Variants in SCN8A observed in about 807,000 individuals in gnomAD.
SCN8A encodes the protein sodium channel protein type 8 subunit alpha.
SCN8A carries 30 observed loss-of-function variants against 184.1 expected under a neutral mutation model. The observed-to-expected ratio is 0.16, with a 90% CI of 0.12 to 0.22. The LOEUF is 0.22. SCN8A is among the 10% of genes least tolerant of loss of function. SCN8A has a pLI of 1.00. For synonymous variants in SCN8A, 852 were observed against 907.0 expected, an observed-to-expected ratio of 0.94 and a Z score of 1.09; for missense variants, 1,057 against 2,498.9, an observed-to-expected ratio of 0.42 and a Z score of 12.30.
chr12:51,722,000 C>A, intron 12 of SCN8A, 92 bp downstream of exon 12: 1 of 1,589,788 alleles, frequency 6.3e-7, no homozygotes, highest in Non-Finnish European at 8.5e-7. Flanking sequence ...GCTCCTTCCC[C>A]TCCTCTTTCC....
intron 26 of SCN8A, among the ~76,000 whole-genome samples, chr12:51,801,034 C>T (rs1206166349): frequency 1.3e-5 from 2 of 152,138 alleles, no homozygotes; most frequent in African/African-American, 4.8e-5. Flanking sequence ...GCCTTTTGTC[C>T]ACTTGACCTG....
At chr12:51,636,284 C>T (rs1007412178) in intron 1 of SCN8A, among the ~76,000 whole-genome samples, 1 of 152,212 alleles carries the variant, frequency 6.6e-6, no homozygotes, top group Non-Finnish European at 1.5e-5. Flanking sequence ...GCGTGAACCA[C>T]AGCGCCTGGC....
chr12:51,695,382 A>G (rs1327620776), intron 6 of SCN8A, among the ~76,000 whole-genome samples: 1 of 152,226 alleles, frequency 6.6e-6, no homozygotes, highest in African/African-American at 2.4e-5. Context: ...TTCTTTAGCA[A>G]TAACATCTGG....
At chr12:51,656,859 G>A (rs1940830705) in intron 1 of SCN8A, among the ~76,000 whole-genome samples, 2 of 152,082 alleles carry the variant, frequency 1.3e-5, no homozygotes, top group Non-Finnish European at 2.9e-5. Context: ...AGTAACAAGT[G>A]TTGGCAAGGA....
At chr12:51,780,604 TGGTTACCTTTTTTGTTTTTG>T (rs1937885532) in intron 20 of SCN8A, 25 bp from the exon 21 acceptor site, 1 of 412,006 alleles carries the variant, frequency 2.4e-6, no homozygotes, top group African/African-American at 2.8e-5. Flanking sequence ...TTTTTTTTTT[TGGTTACCTTTTTTGTTTTTG>T]TTTTTCTCTT....
chr12:51,772,395 C>CAA (rs67083627), intron 19 of SCN8A, among the ~76,000 whole-genome samples: 7 of 141,696 alleles, frequency 4.9e-5, no homozygotes, highest in Non-Finnish European at 9.2e-5. Context: ...AACTCCATCT[C>CAA]AAAAAAAAAA....
At chr12:51,786,894 T>C in intron 22 of SCN8A, 68 bp downstream of exon 22, 2 of 1,436,348 alleles carry the variant, frequency 1.4e-6, no homozygotes, top group Non-Finnish European at 1.9e-6. Context: ...AAATCCCATT[T>C]GGCTTCTTCT....
At chr12:51,722,026 C>T in intron 12 of SCN8A, 118 bp downstream of exon 12, 3 of 1,559,564 alleles carry the variant, frequency 1.9e-6, no homozygotes, top group Non-Finnish European at 2.6e-6. Context: ...CTGCCCATCC[C>T]ACTTGGTCTG....
Position 51,663,187 on chromosome 12 carries a change from T to A in SCN8A, c.276+94T>A, listed in dbSNP as rs1343076174. 1.1e-5 allele frequency: 15 copies of A among 1,419,986 alleles called. No individual in the cohort carries two copies. The Admixed American group carries it at 2.8e-4, about 26-fold the overall frequency. 88.0% of individuals were successfully genotyped at this position (1,419,986 alleles called of 1,614,324 possible). On this transcript the variant is annotated intron_variant, in intron 2 of 26. Coordinates refer to ENST00000627620, the MANE Select transcript of SCN8A (RefSeq NM_001330260.2). ...AGAACTGTGTCTCTTTGCCAAAGTT[T>A]GGATAAGTAGTTAACCTTTTGTTTC... is the stretch of plus-strand genomic sequence containing the variant.
intron 6 of SCN8A, among the ~76,000 whole-genome samples, chr12:51,694,343 C>G (rs375518210): frequency 6.6e-6 from 1 of 152,242 alleles, no homozygotes; most frequent in Non-Finnish European, 1.5e-5. Flanking sequence ...CATTTGTTCA[C>G]AGGATTCCTG....
chr12:51,676,130 G>GCC (rs1395972696), intron 2 of SCN8A, among the ~76,000 whole-genome samples: 3 of 151,976 alleles, frequency 2.0e-5, no homozygotes, highest in Non-Finnish European at 4.4e-5. Flanking sequence ...AGAAGTACAC[G>GCC]CCTAGGGAAG....
chr12:51,606,334 G>T lies in SCN8A; in HGVS notation c.-55+14975G>T, dbSNP rs189329088. 2.3e-4 allele frequency among the ~76,000 whole-genome samples: 35 copies of T among 152,232 alleles called. 1 individual carries two copies. Among genetic ancestry groups the T allele is most frequent in the Non-Finnish European group, 1.0e-4 (7 of 67,992 alleles). On this transcript the variant is annotated intron_variant, in intron 1 of 26. Transcript: ENST00000627620. ...CTAGCCAATTATCCCAGCACCATTT[G>T]TTGAAAAGGGTGTCTATTCCCCGCT... is the stretch of plus-strand genomic sequence containing the variant.
chr12:51,631,810 G>C (rs1033209026), intron 1 of SCN8A, among the ~76,000 whole-genome samples: 2 of 152,152 alleles, frequency 1.3e-5, no homozygotes, highest in Admixed American at 1.3e-4. Context: ...TTCATTCATT[G>C]ATCATGTGCT....
chr12:51,787,252 C>A (rs980357896), intron 22 of SCN8A, among the ~76,000 whole-genome samples: 1 of 152,162 alleles, frequency 6.6e-6, no homozygotes, highest in African/African-American at 2.4e-5. Flanking sequence ...TAGGAAAAAA[C>A]CATGGCAGTG....
intron 11 of SCN8A, among the ~76,000 whole-genome samples, chr12:51,711,618 C>T (rs1349267477): frequency 6.6e-6 from 1 of 152,124 alleles, no homozygotes; most frequent in East Asian, 1.9e-4. Context: ...ACATGATCAT[C>T]TCTTCTGTTA....
chr12:51,754,295 A>G (rs1482627405), intron 14 of SCN8A, among the ~76,000 whole-genome samples: 1 of 150,694 alleles, frequency 6.6e-6, no homozygotes, highest in Non-Finnish European at 1.5e-5. Context: ...ATCTTACAGG[A>G]AAGTTTCAAG....
intron 1 of SCN8A, among the ~76,000 whole-genome samples, chr12:51,661,315 C>T (rs576514787): frequency 1.5e-4 from 23 of 152,272 alleles, no homozygotes; most frequent in Non-Finnish European, 2.5e-4. Flanking sequence ...TTTTGCGCAG[C>T]GTGAAGCCAA....
chr12:51,791,934 G>A lies in SCN8A; in HGVS notation c.4524+1432G>A, dbSNP rs532932134. ...AAAGTAGGAAACATTAATAAAGAGT[G>A]ATTAACATTCATTTAGCAAATATTT... On this transcript the variant is annotated intron_variant, in intron 25 of 26. Transcript: ENST00000627620. Among the ~76,000 whole-genome samples, 53 of 152,180 alleles carry A rather than the reference G, an allele frequency of 3.5e-4. No individual in the cohort carries two copies. The South Asian group carries it at 0.01, about 30-fold the overall frequency.
chr12:51,706,042 C>T (rs1409714686), intron 10 of SCN8A, among the ~76,000 whole-genome samples: 3 of 152,180 alleles, frequency 2.0e-5, no homozygotes, highest in Non-Finnish European at 4.4e-5. Flanking sequence ...TTTGTGATCT[C>T]ATCACCTTAA....
Sources: allele counts gnomAD v4.1 joint callset (sites outside exome capture counted in the v4.1 genomes callset), GRCh38; gene constraint gnomAD v4.1.1; transcripts MANE v1.5; gene names NCBI Gene and HGNC (gene_info 2026-07-23, HGNC 2026-07-21).